The following THADA variants were observed in gnomAD, a reference collection of about 807,000 sequenced individuals.
THADA encodes the protein tRNA (32-2'-O)-methyltransferase regulator THADA.
A neutral mutation model predicts 219.8 loss-of-function variants in THADA; 213 were observed. That is an observed-to-expected ratio of 0.97 (90% confidence interval 0.87 to 1.09). The LOEUF (loss-of-function observed/expected upper bound fraction) is 1.09, where lower values mean the gene tolerates loss of function less well. Ranked by LOEUF, THADA falls within the 50% of genes least tolerant of loss-of-function variation. The pLI, the probability that THADA is intolerant of heterozygous loss-of-function variation, is 0.00. For missense variants in THADA, 2,956 were observed against 2,311.3 expected (o/e 1.28, Z -5.72); for synonymous variants, 1,018 against 828.9 (o/e 1.23, Z -3.92).
At chr2:43,491,291 T>A (rs1469777014) in intron 25 of THADA, among the ~76,000 whole-genome samples, 1 of 152,186 alleles carries the variant, frequency 6.6e-6, no homozygotes, top group East Asian at 1.9e-4. Context: ...GAGTAATACA[T>A]TAGTAGTATT....
intron 29 of THADA, among the ~76,000 whole-genome samples, chr2:43,378,411 T>G (rs1217738788): frequency 6.6e-6 from 1 of 152,220 alleles, no homozygotes; most frequent in East Asian, 1.9e-4. Flanking sequence ...TAGTTCATAT[T>G]AAAGGACTTC....
chr2:43,251,310 T>C (rs545902590), intron 36 of THADA, among the ~76,000 whole-genome samples: 4 of 152,246 alleles, frequency 2.6e-5, no homozygotes, highest in African/African-American at 9.6e-5. Flanking sequence ...CCTGAGTCTG[T>C]TTTATAGTTG....
chr2:43,237,360 A>G (rs187524536), intron 36 of THADA, among the ~76,000 whole-genome samples: 15 of 150,672 alleles, frequency 1.0e-4, no homozygotes, highest in Admixed American at 9.3e-4. Flanking sequence ...TGTACCGAAC[A>G]CCTAAATGTA....
intron 29 of THADA, among the ~76,000 whole-genome samples, chr2:43,357,954 T>C (rs940178920): frequency 2.0e-5 from 3 of 152,168 alleles, no homozygotes; most frequent in African/African-American, 4.8e-5. Context: ...AAAAACAGCA[T>C]AGTCAGTGTA....
intron 31 of THADA, among the ~76,000 whole-genome samples, chr2:43,294,686 T>C (rs1000302527): frequency 2.0e-5 from 3 of 152,078 alleles, no homozygotes; most frequent in Non-Finnish European, 4.4e-5. Context: ...GGAGGCAATA[T>C]TAGAGGCAGG....
intron 28 of THADA, among the ~76,000 whole-genome samples, chr2:43,398,696 C>A (rs559982011): frequency 6.2e-4 from 94 of 152,256 alleles, no homozygotes; most frequent in African/African-American, 2.1e-3. Context: ...CCATTTCAAC[C>A]AGGGGCAAAG....
At chr2:43,312,351 C>T (rs1397493581) in intron 31 of THADA, among the ~76,000 whole-genome samples, 1 of 152,110 alleles carries the variant, frequency 6.6e-6, no homozygotes, top group Non-Finnish European at 1.5e-5. Flanking sequence ...TTATATGAGG[C>T]CTTTAACTTT....
intron 21 of THADA, among the ~76,000 whole-genome samples, chr2:43,531,404 C>A (rs1398192772): frequency 6.6e-6 from 1 of 152,194 alleles, no homozygotes; most frequent in Non-Finnish European, 1.5e-5. Context: ...TGAGCATACA[C>A]AGACAAGGGT....
chr2:43,568,221 A>C (rs1698906153), intron 14 of THADA, among the ~76,000 whole-genome samples: 1 of 152,232 alleles, frequency 6.6e-6, no homozygotes, highest in Non-Finnish European at 1.5e-5. Flanking sequence ...GAGAACATGG[A>C]CATCTAATAT....
chr2:43,402,692 C>A (rs1176757115), intron 28 of THADA, among the ~76,000 whole-genome samples: 2 of 152,218 alleles, frequency 1.3e-5, no homozygotes, highest in African/African-American at 4.8e-5. Flanking sequence ...GAGAAAATCA[C>A]TGCCTAGGCC....
At chr2:43,260,372 A>G (rs549579924) in intron 36 of THADA, among the ~76,000 whole-genome samples, 116 of 152,268 alleles carry the variant, frequency 7.6e-4, no homozygotes, top group African/African-American at 2.6e-3. Context: ...TTTCTTCTAC[A>G]GAGTGCTCGG....
intron 25 of THADA, 130 bp from the exon 26 acceptor site, chr2:43,485,455 T>G (rs1485473956): frequency 3.2e-5 from 21 of 656,074 alleles, no homozygotes; most frequent in Non-Finnish European, 4.9e-5. Flanking sequence ...GACAGATTTG[T>G]GTTCATAAAA....
rs1286570822 is a variant in THADA, at chr2:43,430,527, T to A, written c.3837-225A>T. The A allele has an allele frequency of 5.7e-6, 3 of 529,536 alleles. No individual in the cohort carries two copies. In the African/African-American group the frequency reaches 5.7e-5, roughly 10 times the overall value. 32.8% of individuals were successfully genotyped at this position (529,536 alleles called of 1,614,324 possible). A position where few individuals can be genotyped will look rare whatever the true frequency, so the allele number is the denominator to read the frequency against. ...TGAACTTTTATCTCAAAATTTAAGA[T>A]TATGTATGTTTACAAATATTTGATA... On this transcript the variant is annotated intron_variant, in intron 26 of 37. Coordinates refer to ENST00000405975, the MANE Select transcript of THADA (RefSeq NM_022065.5).
intron 12 of THADA, 128 bp downstream of exon 12, chr2:43,572,686 G>C: frequency 1.4e-6 from 1 of 722,068 alleles, no homozygotes; most frequent in South Asian, 3.1e-5. Context: ...GGGAGACTAG[G>C]GTTTCTACTC....
chr2:43,265,371 C>T (rs1052636947), intron 36 of THADA, among the ~76,000 whole-genome samples: 1 of 152,222 alleles, frequency 6.6e-6, no homozygotes, highest in Admixed American at 6.5e-5. Flanking sequence ...ATCAGAGCCT[C>T]AATCACTCTG....
At chr2:43,573,738 G>T (rs1243707097) in intron 11 of THADA, among the ~76,000 whole-genome samples, 2 of 152,124 alleles carry the variant, frequency 1.3e-5, no homozygotes, top group African/African-American at 4.8e-5. Context: ...TTGTTAAACA[G>T]AATGTAATAA....
intron 26 of THADA, among the ~76,000 whole-genome samples, chr2:43,437,311 T>A (rs1680250710): frequency 6.6e-6 from 1 of 152,214 alleles, no homozygotes; most frequent in Non-Finnish European, 1.5e-5. Flanking sequence ...CTGCTGTACC[T>A]GGCTTAATGG....
chr2:43,319,414 G>C (rs535740658), intron 31 of THADA, among the ~76,000 whole-genome samples: 2 of 152,296 alleles, frequency 1.3e-5, no homozygotes, highest in South Asian at 4.1e-4. Flanking sequence ...ATGTGGACTT[G>C]ATGAGAGTCT....
At chr2:43,549,598 C>T (rs951695245) in intron 19 of THADA, among the ~76,000 whole-genome samples, 1 of 152,062 alleles carries the variant, frequency 6.6e-6, no homozygotes, top group Non-Finnish European at 1.5e-5. Flanking sequence ...AAAAAAAACT[C>T]ACTGAAACTG....
Sources: allele counts gnomAD v4.1 joint callset (sites outside exome capture counted in the v4.1 genomes callset), GRCh38; gene constraint gnomAD v4.1.1; transcripts MANE v1.5; gene names NCBI Gene and HGNC (gene_info 2026-07-23, HGNC 2026-07-21).